Variants in DYNLT2B observed in about 807,000 individuals in gnomAD.
DYNLT2B encodes dynein light chain Tctex-type 2B, also known as dynein light chain Tctex-type protein 2B.
A neutral mutation model predicts 19.5 loss-of-function variants in DYNLT2B; 14 were observed. That is an observed-to-expected ratio of 0.72 (90% CI 0.47 to 1.12). The LOEUF is 1.12. Among genes scored for constraint, DYNLT2B ranks in the 50% most tolerant of loss-of-function variants. The probability of loss-of-function intolerance (pLI) is 0.00; values close to 1 mark genes in which losing one functional copy is unlikely to be tolerated. For synonymous variants in DYNLT2B, 70 were observed against 59.7 expected, an observed-to-expected ratio of 1.17 and a Z score of -0.79; for missense variants, 133 against 174.7, an observed-to-expected ratio of 0.76 and a Z score of 1.35.
intron 2 of DYNLT2B, among the ~76,000 whole-genome samples, chr3:196,307,822 GTAA>G: frequency 1.3e-5 from 2 of 151,164 alleles, no homozygotes; most frequent in Non-Finnish European, 1.5e-5. Flanking sequence ...GCTCACGCCT[GTAA>G]TCCCAGCACT....
chr3:196,293,626 A>AAAAC (rs112774319), intron 4 of DYNLT2B, among the ~76,000 whole-genome samples: 44,012 of 144,374 alleles, frequency 0.3, 7,815 homozygotes, highest in East Asian at 0.81. Context: ...ACTCCGTCTC[A>AAAAC]AAACAAACAA....
intron 4 of DYNLT2B, among the ~76,000 whole-genome samples, chr3:196,292,860 T>G (rs185384374): frequency 6.6e-6 from 1 of 152,160 alleles, no homozygotes; most frequent in Admixed American, 6.5e-5. Flanking sequence ...CCAAATAAAG[T>G]GCTTTTTTTT....
At chr3:196,310,380 G>A (rs1348179532) in intron 2 of DYNLT2B, among the ~76,000 whole-genome samples, 1 of 151,676 alleles carries the variant, frequency 6.6e-6, no homozygotes, top group African/African-American at 2.4e-5. Context: ...CCAAAGTGCT[G>A]GGATTACAGG....
At chr3:196,314,468 G>GAA (rs1055569551) in intron 2 of DYNLT2B, among the ~76,000 whole-genome samples, 1 of 63,494 alleles carries the variant, frequency 1.6e-5, no homozygotes, top group African/African-American at 6.1e-5. Flanking sequence ...GTCTCAAAAA[G>GAA]AAAAAAAAAA....
chr3:196,316,239 G>C lies in DYNLT2B; in HGVS notation c.114-8C>G. 3 of 1,598,278 alleles carry C rather than the reference G, an allele frequency of 1.9e-6. No homozygotes were observed. Among genetic ancestry groups the C allele is most frequent in the Non-Finnish European group, 2.6e-6 (3 of 1,172,128 alleles). ...ACCACAGAGGGCCTGAACCTGAATG[G>C]AACAATTTGTGAACATCCAGTCGGT... is the stretch of plus-strand genomic sequence containing the variant. On this transcript the variant is annotated splice_region_variant and splice_polypyrimidine_tract_variant and intron_variant, in intron 1 of 4. Transcript: ENST00000325318.
intron 1 of DYNLT2B, 93 bp from the exon 2 acceptor site, chr3:196,316,324 A>G (rs998693635): frequency 1.5e-5 from 20 of 1,291,368 alleles, no homozygotes; most frequent in Non-Finnish European, 2.1e-5. Flanking sequence ...TGTCATTAGT[A>G]CCACTTAATC....
chr3:196,317,281 T>TTG lies in DYNLT2B; in HGVS notation c.113+757_113+758dup, dbSNP rs200214901. Among the ~76,000 whole-genome samples, 72 of 52,668 alleles carry TTG rather than the reference T, an allele frequency of 1.4e-3. 9 individuals are homozygous for TTG. The highest frequency in any genetic ancestry group is 3.5e-3 in the African/African-American group (58 of 16,784). 34.6% of individuals were successfully genotyped at this position (52,668 alleles called of 152,430 possible). A position where few individuals can be genotyped will look rare whatever the true frequency, so the allele number is the denominator to read the frequency against. Reference sequence around the variant, plus strand: ...CATTTTTTTTCAGTGTGTGTGTGTGTTGTGTGTGTGTGTGTGTGTAAAGTT... The same window carrying TTG: ...CATTTTTTTTCAGTGTGTGTGTGTGTTGTGTGTGTGTGTGTGTGTGTAAAGTT... On this transcript the variant is annotated intron_variant, in intron 1 of 4. Coordinates refer to ENST00000325318, the MANE Select transcript of DYNLT2B (RefSeq NM_152773.5).
chr3:196,303,143 A>C (rs1027810516), intron 3 of DYNLT2B, among the ~76,000 whole-genome samples: 2 of 151,432 alleles, frequency 1.3e-5, no homozygotes, highest in Admixed American at 6.6e-5. Context: ...GCCCCGACCC[A>C]GGAACTGACT....
chr3:196,310,401 C>T (rs551906475), intron 2 of DYNLT2B, among the ~76,000 whole-genome samples: 62 of 151,292 alleles, frequency 4.1e-4, no homozygotes, highest in Non-Finnish European at 3.2e-4. Flanking sequence ...CGTGAGCCAC[C>T]GCACCTGGCC....
At chr3:196,306,192 G>C (rs1331009244) in intron 3 of DYNLT2B, among the ~76,000 whole-genome samples, 2 of 149,488 alleles carry the variant, frequency 1.3e-5, no homozygotes, top group African/African-American at 2.5e-5. Context: ...CTGGTGAATT[G>C]CCTGAGCCCA....
chr3:196,297,010 G>A (rs146043372), intron 3 of DYNLT2B, among the ~76,000 whole-genome samples: 402 of 151,530 alleles, frequency 2.7e-3, no homozygotes, highest in African/African-American at 8.6e-3. Flanking sequence ...TGGCTAACAC[G>A]GTGAAACCCC....
In DYNLT2B at chr3:196,301,653, C is replaced by T. The variant is rs925545031; in HGVS notation, c.317+5290G>A. On this transcript the variant is annotated intron_variant, in intron 3 of 4. Coordinates refer to ENST00000325318, the MANE Select transcript of DYNLT2B (RefSeq NM_152773.5). ...GCTTGAACCTGGAAGGTGGAGGCTGCAGTGAGCAGAGATGGCGCCACTGCA... is the reference window on the plus strand; with the variant it reads ...GCTTGAACCTGGAAGGTGGAGGCTGTAGTGAGCAGAGATGGCGCCACTGCA... Among the ~76,000 whole-genome samples the T allele has an allele frequency of 3.3e-5, 5 of 151,980 alleles. No individual in the cohort carries two copies. The East Asian group carries it at 9.6e-4, about 29-fold the overall frequency.
chr3:196,310,977 C>T (rs1259901723), intron 2 of DYNLT2B, among the ~76,000 whole-genome samples: 3 of 152,056 alleles, frequency 2.0e-5, no homozygotes, highest in Non-Finnish European at 4.4e-5. Context: ...CTCAGGCAAT[C>T]CACCCGCCTC....
At position 196,316,206 on chromosome 3, in the gene DYNLT2B, A is replaced by T. The variant is rs1015424838; in HGVS notation, c.139T>A (p.Cys47Ser). 6.2e-7 allele frequency: 1 copy of T among 1,612,762 alleles called. No homozygotes were observed. The highest frequency in any genetic ancestry group is 1.1e-5 in the South Asian group (1 of 90,684). The change falls in exon 2 of 5, where the codon TGT (cysteine) becomes AGT (serine). Residue 47 changes from cysteine to serine, a missense_variant. By Grantham distance (112) the Cys-to-Ser change is moderately radical. Transcript: ENST00000325318. Reference sequence around the variant, plus strand: ...TCCTCCTTGAGCACAGCATGGATACAGTCTTTAACCACAGAGGGCCTGAAC... The same window carrying T: ...TCCTCCTTGAGCACAGCATGGATACTGTCTTTAACCACAGAGGGCCTGAAC... ...QRFRPSVVKD[C>S]IHAVLKEELA...
At chr3:196,302,779 G>GAC in intron 3 of DYNLT2B, among the ~76,000 whole-genome samples, 1 of 152,174 alleles carries the variant, frequency 6.6e-6, no homozygotes, top group Non-Finnish European at 1.5e-5. Context: ...TGATGACTGA[G>GAC]ACAGTGAAAG....
chr3:196,308,257 G>A (rs893018722), intron 2 of DYNLT2B, among the ~76,000 whole-genome samples: 3 of 151,990 alleles, frequency 2.0e-5, no homozygotes, highest in South Asian at 2.1e-4. Flanking sequence ...AGATGTGGCC[G>A]GCCAATAAAC....
chr3:196,308,401 G>GA (rs1726548751), intron 2 of DYNLT2B, among the ~76,000 whole-genome samples: 2 of 151,952 alleles, frequency 1.3e-5, no homozygotes, highest in South Asian at 2.1e-4. Context: ...AGACAGACAA[G>GA]AAAAAAAATG....
intron 1 of DYNLT2B, 50 bp from the exon 2 acceptor site, chr3:196,316,281 C>T: frequency 6.4e-7 from 1 of 1,555,426 alleles, no homozygotes; most frequent in Non-Finnish European, 8.7e-7. Context: ...ACAACCCCAG[C>T]TTACCTTCAT....
intron 3 of DYNLT2B, among the ~76,000 whole-genome samples, chr3:196,303,792 A>AAGCT (rs1291535940): frequency 1.3e-5 from 2 of 152,220 alleles, no homozygotes; most frequent in Non-Finnish European, 2.9e-5. Context: ...AATCAGAACA[A>AAGCT]AGCTTTATTT....
Sources: allele counts gnomAD v4.1 joint callset (sites outside exome capture counted in the v4.1 genomes callset), GRCh38; gene constraint gnomAD v4.1.1; transcripts MANE v1.5; gene names NCBI Gene and HGNC (gene_info 2026-07-23, HGNC 2026-07-21).